Variants in LMO3 observed in about 807,000 individuals in gnomAD.
LMO3 encodes LIM domain only protein 3.
Under a neutral mutation model 15.8 loss-of-function variants are expected in LMO3, and 2 were observed. That is an observed-to-expected ratio of 0.13 (90% confidence interval 0.05 to 0.40). The LOEUF (loss-of-function observed/expected upper bound fraction) is 0.40, where lower values mean the gene tolerates loss of function less well. Ranked by LOEUF, LMO3 falls within the 10% of genes least tolerant of loss-of-function variation. The pLI is 0.99. For synonymous variants in LMO3, 62 were observed against 63.8 expected (o/e 0.97, Z 0.13); for missense variants, 86 against 182.2 (o/e 0.47, Z 3.04).
At chr12:16,573,079 TA>T (rs942588616) in intron 2 of LMO3, among the ~76,000 whole-genome samples, 1 of 151,926 alleles carries the variant, frequency 6.6e-6, no homozygotes, top group African/African-American at 2.4e-5. Flanking sequence ...AAAGAAAAAA[TA>T]CCTTTTTTTT....
upstream of LMO3, chr12:16,609,315 G>A (rs1312674332): frequency 1.3e-5 from 2 of 152,020 alleles, no homozygotes; most frequent in Non-Finnish European, 1.5e-5. Flanking sequence ...CAACCCCAAA[G>A]TCTCACCCCT....
At chr12:16,606,620 T>G (rs1249897038), upstream of LMO3, 1 of 151,692 alleles carries the variant, frequency 6.6e-6, no homozygotes, top group Non-Finnish European at 1.5e-5. Context: ...TGCAGCTCAG[T>G]CAAGTACAGC....
At chr12:16,579,859 T>A (rs1209828838) in intron 2 of LMO3, among the ~76,000 whole-genome samples, 3 of 152,222 alleles carry the variant, frequency 2.0e-5, no homozygotes, top group Admixed American at 6.5e-5. Flanking sequence ...CAACCTGTAC[T>A]GATTTAGATA....
chr12:16,601,495 T>A (rs1943822838), intron 1 of LMO3, among the ~76,000 whole-genome samples: 1 of 152,224 alleles, frequency 6.6e-6, no homozygotes, highest in Non-Finnish European at 1.5e-5. Context: ...ATTCATTGTG[T>A]TCAAATATAA....
In LMO3 at chr12:16,576,953, G is replaced by A. The variant is rs1034822522; in HGVS notation, c.207-16415C>T. On this transcript the variant is annotated intron_variant, in intron 2 of 3. Coordinates refer to ENST00000537304, the MANE Select transcript of LMO3 (RefSeq NM_018640.5). The surrounding 1 kb of genome is among the most constrained non-coding windows in gnomAD (Gnocchi z 4.1). ...TCTATTTTAGAAATAACCCAATAAG[G>A]GCAAAGCTATATGAGTAAAACTACA... Among the ~76,000 whole-genome samples the A allele has an allele frequency of 5.3e-5, 8 of 152,074 alleles. No individual in the cohort carries two copies. The highest frequency in any genetic ancestry group is 1.9e-4 in the African/African-American group (8 of 41,404).
At chr12:16,594,368 A>G (rs1175310475) in intron 2 of LMO3, 2 of 1,026,948 alleles carry the variant, frequency 1.9e-6, no homozygotes, top group East Asian at 2.6e-5. Flanking sequence ...AAGGCCATTT[A>G]TAGAGACATG....
At chr12:16,594,383 A>G (rs1191613148) in intron 2 of LMO3, 19 of 783,228 alleles carry the variant, frequency 2.4e-5, no homozygotes, top group African/African-American at 3.5e-5. Flanking sequence ...GACATGGCTA[A>G]TACAAATGGA....
chr12:16,566,388 A>G (rs1223797581), intron 2 of LMO3, among the ~76,000 whole-genome samples: 1 of 151,982 alleles, frequency 6.6e-6, no homozygotes, highest in Admixed American at 6.6e-5. Flanking sequence ...TAAAATAGGT[A>G]GAAGAGAAGC....
intron 2 of LMO3, among the ~76,000 whole-genome samples, chr12:16,592,602 A>G (rs1019987469): frequency 6.6e-6 from 1 of 152,006 alleles, no homozygotes; most frequent in African/African-American, 2.4e-5. Flanking sequence ...GTAAAGGAAC[A>G]GGTACTGATC....
chr12:16,556,087 G>C (rs1440868343), intron 3 of LMO3, among the ~76,000 whole-genome samples: 2 of 151,986 alleles, frequency 1.3e-5, no homozygotes, highest in East Asian at 1.9e-4. Flanking sequence ...ACAGAGCCTA[G>C]CACAGTGCTT....
intron 2 of LMO3, among the ~76,000 whole-genome samples, chr12:16,573,173 C>T (rs2137462210): frequency 6.6e-6 from 1 of 151,886 alleles, no homozygotes; most frequent in East Asian, 1.9e-4. Context: ...AATGTCTATT[C>T]ATAAGTGCCC....
Position 16,549,284 on chromosome 12 carries a change from G to T in LMO3, c.*1938C>A, listed in dbSNP as rs555772536. On this transcript the variant is annotated 3_prime_UTR_variant, in exon 4 of 4. Coordinates refer to ENST00000537304, the MANE Select transcript of LMO3 (RefSeq NM_018640.5). ...GGCTAAAATAATAGTTATTTTTGTG[G>T]GCCCCAAATAGCTACTTTTGAATTT... is the stretch of plus-strand genomic sequence containing the variant. The T allele has an allele frequency of 6.6e-6, 1 of 151,944 alleles. No individual in the cohort carries two copies. Among genetic ancestry groups the T allele is most frequent in the African/African-American group, 2.4e-5 (1 of 41,376 alleles). The allele number at this position is 151,944 out of a possible 1,614,324, so 9.4% of individuals were successfully genotyped here. A position where few individuals can be genotyped will look rare whatever the true frequency, so the allele number is the denominator to read the frequency against.
intron 3 of LMO3, among the ~76,000 whole-genome samples, chr12:16,554,303 A>G (rs12423365): frequency 0.18 from 27,786 of 152,130 alleles, 2,643 homozygotes; most frequent in Admixed American, 0.24. Context: ...TAGCCTAGCC[A>G]TCTTCTTTCC....
In LMO3 at chr12:16,582,715, C is replaced by A. The variant is rs1166941700; in HGVS notation, c.206+17940G>T. On this transcript the variant is annotated intron_variant, in intron 2 of 3. Transcript: ENST00000537304. The surrounding 1 kb of genome is among the most constrained non-coding windows in gnomAD (Gnocchi z 4.1). ...CACCGTTCCTAGGTACGGTCCCTCA[C>A]TCTTTTAAGTATCTGATTGGGATGA... is the stretch of plus-strand genomic sequence containing the variant. Among the ~76,000 whole-genome samples, 1 of 152,118 alleles carries A rather than the reference C, an allele frequency of 6.6e-6. No homozygotes were observed. Among genetic ancestry groups the A allele is most frequent in the Non-Finnish European group, 1.5e-5 (1 of 68,028 alleles).
At chr12:16,565,983 C>CGTATATAT (rs1942584556) in intron 2 of LMO3, among the ~76,000 whole-genome samples, 1 of 43,858 alleles carries the variant, frequency 2.3e-5, no homozygotes, top group African/African-American at 8.0e-5. Context: ...GAAAATGTGC[C>CGTATATAT]ATATATATAT....
At chr12:16,600,548 G>T in intron 2 of LMO3, 107 bp downstream of exon 2, 3 of 923,316 alleles carry the variant, frequency 3.2e-6, no homozygotes, top group Non-Finnish European at 5.0e-6. Flanking sequence ...CTTCTTTCAG[G>T]AATATAAGCT....
At position 16,591,165 on chromosome 12, in the gene LMO3, T is replaced by C. The variant is rs1301506057; in HGVS notation, c.206+9490A>G. On this transcript the variant is annotated intron_variant, in intron 2 of 3. Coordinates refer to ENST00000537304, the MANE Select transcript of LMO3 (RefSeq NM_018640.5). The surrounding 1 kb of genome is among the most constrained non-coding windows in gnomAD (Gnocchi z 4.1). ...TGGTACCATAGACCTACACAGTGAC[T>C]ACCCCTTATTCTTGCCCCTCCTGCT... Among the ~76,000 whole-genome samples, 1 of 152,030 alleles carries C rather than the reference T, an allele frequency of 6.6e-6. No individual in the cohort carries two copies. Among genetic ancestry groups the C allele is most frequent in the Non-Finnish European group, 1.5e-5 (1 of 67,980 alleles).
At chr12:16,608,463 C>T (rs1194074619), upstream of LMO3, 1 of 152,068 alleles carries the variant, frequency 6.6e-6, no homozygotes, top group Non-Finnish European at 1.5e-5. This position sits in a 1 kb window ranked among gnomAD's most constrained non-coding sequence, Gnocchi z 4.1. Flanking sequence ...GGGATTATTC[C>T]TCTGCCTACG....
intron 2 of LMO3, among the ~76,000 whole-genome samples, chr12:16,565,982 CCATATATATATATATATATA>C (rs1565488151): frequency 2.3e-5 from 1 of 44,316 alleles, no homozygotes; most frequent in African/African-American, 9.0e-5. Flanking sequence ...AGAAAATGTG[CCATATATATATATATATATA>C]TATATATATA....
Sources: allele counts gnomAD v4.1 joint callset (sites outside exome capture counted in the v4.1 genomes callset), GRCh38; gene constraint gnomAD v4.1.1; non-coding constraint Gnocchi (gnomAD v3.1); transcripts MANE v1.5; gene names NCBI Gene and HGNC (gene_info 2026-07-23, HGNC 2026-07-21).